Variants in GRTP1 observed in about 807,000 individuals in gnomAD.
GRTP1 encodes the protein growth hormone-regulated TBC protein 1.
GRTP1 carries 56 observed loss-of-function variants against 38.1 expected under a neutral mutation model. The ratio of observed to expected loss-of-function variants is 1.47; its 90% CI spans 1.19 to 1.84. The LOEUF (loss-of-function observed/expected upper bound fraction) is 1.84, where lower values mean the gene tolerates loss of function less well. GRTP1 is among the 40% of genes most tolerant of loss of function. GRTP1 has a pLI of 0.00. For missense variants in GRTP1, 506 were observed against 453.9 expected (o/e 1.11, Z -1.04); for synonymous variants, 217 against 189.5 (o/e 1.14, Z -1.19).
chr13:113,333,842 T>A (rs201953000), intron 5 of GRTP1, among the ~76,000 whole-genome samples: 712 of 67,336 alleles, frequency 0.011, 4 homozygotes, highest in African/African-American at 0.033. Flanking sequence ...TTATTTAGTG[T>A]GTGTGTGTGT....
rs2042750623 is a variant in GRTP1 at position 113,325,656 on chromosome 13, C to T, written c.921+5G>A. On this transcript the variant is annotated splice_donor_5th_base_variant and intron_variant, in intron 7 of 7. Coordinates refer to ENST00000375431, the MANE Select transcript of GRTP1 (RefSeq NM_024719.4). The stretch of plus-strand genomic sequence containing the variant: ...GGGGACTGAGCCACGTGCAGCCCCA[C>T]ACACCTGCATAAACGTGTGACACTC... 1 of 1,603,944 alleles carries T rather than the reference C, an allele frequency of 6.2e-7. No individual in the cohort carries two copies. The highest frequency in any genetic ancestry group is 8.5e-7 in the Non-Finnish European group (1 of 1,180,014).
At chr13:113,360,579 T>G (rs1441709817) in intron 2 of GRTP1, among the ~76,000 whole-genome samples, 2 of 152,210 alleles carry the variant, frequency 1.3e-5, no homozygotes, top group African/African-American at 4.8e-5. Flanking sequence ...CCAGTGCTCA[T>G]GGGCACCCTG....
chr13:113,329,999 G>A (rs1049053446), intron 5 of GRTP1, among the ~76,000 whole-genome samples: 1 of 152,106 alleles, frequency 6.6e-6, no homozygotes, highest in African/African-American at 2.4e-5. Flanking sequence ...GAGCCCGGGT[G>A]CGTGCATGGG....
intron 2 of GRTP1, among the ~76,000 whole-genome samples, chr13:113,362,022 G>A (rs2043508614): frequency 6.6e-6 from 1 of 152,164 alleles, no homozygotes; most frequent in African/African-American, 2.4e-5. Flanking sequence ...GGTGGTAGGT[G>A]CCTGTAATCC....
rs1248189220 is a variant in GRTP1 at position 113,326,105 on chromosome 13, T to A, written c.563-14A>T. On this transcript the variant is annotated splice_polypyrimidine_tract_variant and intron_variant, in intron 5 of 7. Coordinates refer to ENST00000375431, the MANE Select transcript of GRTP1 (RefSeq NM_024719.4). ...GGCTGTAGTAATCTGCCAGGCAATG[T>A]GGAGAAAAGACCCCGAGACACTCCC... 5 of 1,603,858 alleles carry A rather than the reference T, an allele frequency of 3.1e-6. No individual in the cohort carries two copies. In the East Asian group the frequency reaches 6.7e-5, roughly 21 times the overall value.
rs1422119787 is a variant in GRTP1 at position 113,348,214 on chromosome 13, G to C, written c.465+2635C>G. Among the ~76,000 whole-genome samples the C allele has an allele frequency of 6.6e-6, 1 of 152,182 alleles. No individual in the cohort carries two copies. The highest frequency in any genetic ancestry group is 2.4e-5 in the African/African-American group (1 of 41,458). On this transcript the variant is annotated intron_variant, in intron 4 of 7. Transcript: ENST00000375431. This position sits in a 1 kb window ranked among gnomAD's most constrained non-coding sequence, Gnocchi z 4.8. Reference sequence around the variant, plus strand: ...AGTGGGGGATCCCAGCACTGTGAGAGGTAGAGGCAGGAGGATCGCCTGAGC... The same window carrying C: ...AGTGGGGGATCCCAGCACTGTGAGACGTAGAGGCAGGAGGATCGCCTGAGC...
intron 5 of GRTP1, among the ~76,000 whole-genome samples, chr13:113,331,320 T>A (rs993919433): frequency 9.9e-5 from 15 of 152,044 alleles, no homozygotes; most frequent in Admixed American, 3.3e-4. Context: ...GACCTGGGGG[T>A]TGGGGGCTCA....
At position 113,325,718 on chromosome 13, in the gene GRTP1, A is replaced by C. The variant is rs1403588635; in HGVS notation, c.864T>G (p.Asp288Glu). ...TCCCTTTGGTTATCTGCTTAAACTT[A>C]TCGCAAATGTCTGGAACGCTGGTGG... Reference protein sequence around the residue: ...LEATSVPDICDKFKQITKGSF... With the variant: ...LEATSVPDICEKFKQITKGSF... The change falls in exon 7 of 8, where the codon GAT becomes GAG. Residue 288 changes from aspartate (D) to glutamate (E), a missense_variant. Physicochemically the swap from Asp to Glu is conservative, Grantham distance 45. Transcript: ENST00000375431. 7.4e-6 allele frequency: 12 copies of C among 1,614,160 alleles called. No individual in the cohort carries two copies. The African/African-American group carries it at 1.1e-4, about 14-fold the overall frequency.
intron 5 of GRTP1, among the ~76,000 whole-genome samples, chr13:113,332,320 AGGT>A: frequency 1.3e-4 from 2 of 15,470 alleles, no homozygotes; most frequent in African/African-American, 2.9e-4. Context: ...CGCCACACAC[AGGT>A]ACACACGTGC....
rs1566429027 is a variant in GRTP1 at position 113,346,073 on chromosome 13, G to GGAGGAC, written c.466-1115_466-1114insGTCCTC. Among the ~76,000 whole-genome samples the GGAGGAC allele has an allele frequency of 6.0e-5, 5 of 83,210 alleles. 1 individual carries two copies. Among genetic ancestry groups the GGAGGAC allele is most frequent in the African/African-American group, 1.6e-4 (3 of 18,628 alleles). The allele number at this position is 83,210 out of a possible 152,430, so 54.6% of individuals were successfully genotyped here. On this transcript the variant is annotated intron_variant, in intron 4 of 7. Transcript: ENST00000375431. ...GAGCAGACCCGGGAGGACCTCTGCG[G>GGAGGAC]CTGAGCAGACCTGGGAAGACATCTG...
rs1046792715 is a variant in GRTP1 at position 113,348,687 on chromosome 13, G to C, written c.465+2162C>G. ...GCACAGGAGAACGCACATGGAGATG[G>C]AGGCAGAGATTGGAGTAGTGATGCC... On this transcript the variant is annotated intron_variant, in intron 4 of 7. Coordinates refer to ENST00000375431, the MANE Select transcript of GRTP1 (RefSeq NM_024719.4). The surrounding 1 kb of genome is among the most constrained non-coding windows in gnomAD (Gnocchi z 4.8). Among the ~76,000 whole-genome samples the C allele has an allele frequency of 6.6e-6, 1 of 152,184 alleles. No homozygotes were observed. Among genetic ancestry groups the C allele is most frequent in the African/African-American group, 2.4e-5 (1 of 41,436 alleles).
rs1372943241 is a variant in GRTP1 at position 113,343,311 on chromosome 13, C to T, written c.562+1552G>A. Among the ~76,000 whole-genome samples, 1 of 152,114 alleles carries T rather than the reference C, an allele frequency of 6.6e-6. No homozygotes were observed. The highest frequency in any genetic ancestry group is 1.9e-4 in the East Asian group (1 of 5,180). The stretch of plus-strand genomic sequence containing the variant: ...GACAGCCGGCATCCTTTCCGCCCTG[C>T]GAGGTTCTGCCTGCTGCTGCTGCTG... On this transcript the variant is annotated intron_variant, in intron 5 of 7. Coordinates refer to ENST00000375431, the MANE Select transcript of GRTP1 (RefSeq NM_024719.4). This position sits in a 1 kb window ranked among gnomAD's most constrained non-coding sequence, Gnocchi z 4.8.
At chr13:113,326,157 C>T in intron 5 of GRTP1, 66 bp from the exon 6 acceptor site, 6 of 1,573,206 alleles carry the variant, frequency 3.8e-6, no homozygotes, top group Non-Finnish European at 5.2e-6. Context: ...CCATTCCCCT[C>T]AGAGCCAGAC....
In GRTP1 at chr13:113,342,424, C is replaced by T. The variant is rs371833378; in HGVS notation, c.562+2439G>A. Among the ~76,000 whole-genome samples the T allele has an allele frequency of 5.6e-3, 857 of 151,874 alleles. 5 individuals are homozygous for T. Among genetic ancestry groups the T allele is most frequent in the African/African-American group, 0.02 (821 of 41,434 alleles). On this transcript the variant is annotated intron_variant, in intron 5 of 7. Transcript: ENST00000375431. This position sits in a 1 kb window ranked among gnomAD's most constrained non-coding sequence, Gnocchi z 4.5. ...TCGGGAGGCTGAGGCAGGAGAATGG[C>T]GTGAACCTGGGAGGCGGAGCTTGCA...
At chr13:113,355,620 A>C in intron 2 of GRTP1, 139 bp from the exon 3 acceptor site, 1 of 1,016,862 alleles carries the variant, frequency 9.8e-7, no homozygotes. Context: ...GTCCATCTCC[A>C]CCAAAACTGG....
chr13:113,349,665 T>A lies in GRTP1; in HGVS notation c.465+1184A>T, dbSNP rs959796907. Among the ~76,000 whole-genome samples the A allele has an allele frequency of 2.0e-5, 3 of 152,210 alleles. No individual in the cohort carries two copies. Among genetic ancestry groups the A allele is most frequent in the African/African-American group, 7.2e-5 (3 of 41,470 alleles). ...AGCTGGTGAGGACAGCGTGGTCCCG[T>A]GGCTCTGCTGCTGGCCTTTCACAGG... On this transcript the variant is annotated intron_variant, in intron 4 of 7. Transcript: ENST00000375431. The surrounding 1 kb of genome is among the most constrained non-coding windows in gnomAD (Gnocchi z 5.0).
At chr13:113,326,188 G>A in intron 5 of GRTP1, 97 bp from the exon 6 acceptor site, 1 of 1,457,344 alleles carries the variant, frequency 6.9e-7, no homozygotes, top group South Asian at 1.3e-5. Context: ...GGGCCACCCT[G>A]GGAGGACCCC....
rs769334846 is a variant in GRTP1, at chr13:113,363,809, T to G, written c.134A>C (p.Lys45Thr). 4 of 1,611,464 alleles carry G rather than the reference T, an allele frequency of 2.5e-6. No individual in the cohort carries two copies. The South Asian group carries it at 4.4e-5, about 18-fold the overall frequency. The change falls in exon 2 of 8, where the codon AAA (lysine) becomes ACA (threonine). Residue 45 changes from lysine to threonine, a missense_variant. Physicochemically the swap from Lys to Thr is moderately conservative, Grantham distance 78. Coordinates refer to ENST00000375431, the MANE Select transcript of GRTP1 (RefSeq NM_024719.4). ...YLVTLTRRAI[K>T]WSRLLQGGGV... ...CCCGCCCTGCAGCAGCCGGGACCAT[T>G]TGATCGCCCTGCGGGTGAGCGTGAC... is the stretch of plus-strand genomic sequence containing the variant.
intron 7 of GRTP1, chr13:113,325,319 G>A (rs1323892688): frequency 3.6e-6 from 5 of 1,381,270 alleles, no homozygotes; most frequent in Non-Finnish European, 4.7e-6. Context: ...CCCTCATCAG[G>A]ACCTGAGTCT....
Sources: gnomAD v4.1 joint callset for allele counts (sites outside exome capture counted in the v4.1 genomes callset) on GRCh38, gnomAD v4.1.1 for gene constraint, Gnocchi (gnomAD v3.1) non-coding constraint, MANE v1.5 for transcripts, NCBI Gene and HGNC (gene_info 2026-07-23, HGNC 2026-07-21) for gene names.